The following XKR9 variants were observed in gnomAD, a reference collection of about 807,000 sequenced individuals.
XKR9 encodes the protein XK-related protein 9.
XKR9 carries 32 observed loss-of-function variants against 32.0 expected under a neutral mutation model. The observed-to-expected ratio is 1.00, with a 90% CI of 0.76 to 1.34. XKR9 has a LOEUF of 1.34. Among genes scored for constraint, XKR9 ranks in the 40% most tolerant of loss-of-function variants. The pLI is 0.00. For synonymous variants in XKR9, 168 were observed against 143.4 expected, an observed-to-expected ratio of 1.17 and a Z score of -1.22; for missense variants, 546 against 429.7, an observed-to-expected ratio of 1.27 and a Z score of -2.39.
chr8:70,772,266 C>A (rs372737989), intron 2 of XKR9, among the ~76,000 whole-genome samples: 2 of 152,202 alleles, frequency 1.3e-5, no homozygotes, highest in African/African-American at 4.8e-5. Flanking sequence ...ACATGTTTGC[C>A]GTCTGTCTGG....
intron 2 of XKR9, among the ~76,000 whole-genome samples, chr8:70,748,190 G>A (rs958267504): frequency 6.6e-6 from 1 of 152,228 alleles, no homozygotes; most frequent in African/African-American, 2.4e-5. Context: ...TGTGGCTGGG[G>A]CTGCCCTGTT....
the XKR9 span, among the ~76,000 whole-genome samples, chr8:70,838,187 T>A: frequency 6.6e-6 from 1 of 152,236 alleles, no homozygotes; most frequent in Non-Finnish European, 1.5e-5. Context: ...GATAACAGAT[T>A]TACTAAGTCC....
the XKR9 span, among the ~76,000 whole-genome samples, chr8:70,869,838 CTTA>C: frequency 1.3e-5 from 2 of 152,140 alleles, no homozygotes; most frequent in Non-Finnish European, 2.9e-5. Context: ...CTTTTCTGAT[CTTA>C]TTATATAGTA....
At chr8:70,798,143 A>G in the XKR9 span, among the ~76,000 whole-genome samples, 14 of 152,162 alleles carry the variant, frequency 9.2e-5, no homozygotes, top group Non-Finnish European at 1.8e-4. Flanking sequence ...GCTTTCCACA[A>G]TGGCTGAACT....
chr8:70,849,890 A>G, the XKR9 span, among the ~76,000 whole-genome samples: 1 of 152,158 alleles, frequency 6.6e-6, no homozygotes, highest in East Asian at 1.9e-4. Flanking sequence ...AAATTTCTGG[A>G]CACATACACC....
At chr8:70,855,239 A>T in the XKR9 span, among the ~76,000 whole-genome samples, 1 of 152,100 alleles carries the variant, frequency 6.6e-6, no homozygotes, top group Non-Finnish European at 1.5e-5. Context: ...AAAAAAAATT[A>T]GACGAATGGT....
intron 2 of XKR9, among the ~76,000 whole-genome samples, chr8:70,783,216 A>G (rs569860607): frequency 1.3e-5 from 2 of 150,092 alleles, no homozygotes; most frequent in African/African-American, 4.9e-5. Context: ...TCTGTTGGCC[A>G]TTTGTATGTC....
downstream of XKR9, among the ~76,000 whole-genome samples, chr8:70,792,400 G>A (rs1309120831): frequency 6.6e-6 from 1 of 152,120 alleles, no homozygotes; most frequent in Non-Finnish European, 1.5e-5. Flanking sequence ...TATATCTGTA[G>A]TAGTTAAGAG....
the XKR9 span, among the ~76,000 whole-genome samples, chr8:71,041,352 T>C: frequency 4.6e-5 from 7 of 152,300 alleles, no homozygotes; most frequent in East Asian, 1.3e-3. Flanking sequence ...AATTTTCACA[T>C]CTTGGGAAAG....
At chr8:70,910,028 G>T in the XKR9 span, among the ~76,000 whole-genome samples, 1 of 151,680 alleles carries the variant, frequency 6.6e-6, no homozygotes, top group Non-Finnish European at 1.5e-5. Context: ...TTATATCATA[G>T]CACTTAGTGA....
the XKR9 span, among the ~76,000 whole-genome samples, chr8:70,874,780 T>G: frequency 1.3e-5 from 2 of 152,242 alleles, no homozygotes; most frequent in African/African-American, 4.8e-5. Flanking sequence ...CTATTCTCTT[T>G]ATTGGCTTTA....
At chr8:70,702,632 A>G (rs951599755) in intron 3 of XKR9, among the ~76,000 whole-genome samples, 1 of 152,168 alleles carries the variant, frequency 6.6e-6, no homozygotes, top group African/African-American at 2.4e-5. Flanking sequence ...TTAAAATATT[A>G]TGTATTCATG....
At chr8:71,035,363 T>A in the XKR9 span, among the ~76,000 whole-genome samples, 2 of 152,302 alleles carry the variant, frequency 1.3e-5, no homozygotes, top group South Asian at 4.1e-4. Context: ...GGTCCAAGAA[T>A]GTAATAAACA....
the XKR9 span, among the ~76,000 whole-genome samples, chr8:70,938,471 G>A: frequency 6.6e-6 from 1 of 151,920 alleles, no homozygotes; most frequent in Non-Finnish European, 1.5e-5. Flanking sequence ...TCTTCTGTGT[G>A]TTGTTTATTC....
the XKR9 span, among the ~76,000 whole-genome samples, chr8:70,830,685 C>T: frequency 2.0e-5 from 3 of 152,134 alleles, no homozygotes; most frequent in South Asian, 6.2e-4. Context: ...CAATTAGGTC[C>T]CCAGTGTCTA....
chr8:70,979,704 C>T, the XKR9 span, among the ~76,000 whole-genome samples: 1 of 152,222 alleles, frequency 6.6e-6, no homozygotes, highest in African/African-American at 2.4e-5. Context: ...AGTTTGGCTA[C>T]ACGGGGGTCA....
intron 4 of XKR9, among the ~76,000 whole-genome samples, chr8:70,732,713 G>C (rs1475775405): frequency 6.6e-6 from 1 of 152,208 alleles, no homozygotes; most frequent in Non-Finnish European, 1.5e-5. Flanking sequence ...ATGAGGTACA[G>C]TGGTGTATGC....
chr8:71,057,468 G>A, the XKR9 span, among the ~76,000 whole-genome samples: 4 of 152,142 alleles, frequency 2.6e-5, no homozygotes, highest in Non-Finnish European at 5.9e-5. Flanking sequence ...CCTAAGTCCT[G>A]TTAAAGTCAT....
chr8:70,714,235 A>G (rs1806015269), intron 4 of XKR9, among the ~76,000 whole-genome samples: 1 of 152,130 alleles, frequency 6.6e-6, no homozygotes, highest in Non-Finnish European at 1.5e-5. Flanking sequence ...ATATAGTCAC[A>G]TTGGGAGTTA....
Sources: allele counts gnomAD v4.1 joint callset (sites outside exome capture counted in the v4.1 genomes callset), GRCh38; gene constraint gnomAD v4.1.1; transcripts MANE v1.5; gene names NCBI Gene and HGNC (gene_info 2026-07-23, HGNC 2026-07-21).